Variants in CRB1 observed in about 807,000 individuals in gnomAD.
The protein encoded by CRB1 is protein crumbs homolog 1.
CRB1 carries 83 observed loss-of-function variants against 120.0 expected under a neutral mutation model. The observed-to-expected ratio is 0.69, with a 90% confidence interval of 0.58 to 0.83. The LOEUF (loss-of-function observed/expected upper bound fraction) is 0.83. CRB1 is among the 40% of genes least tolerant of loss of function. CRB1 has a pLI of 0.00. For missense variants in CRB1, 1,699 were observed against 1,687.6 expected (o/e 1.01, Z -0.12); for synonymous variants, 625 against 612.5 (o/e 1.02, Z -0.30).
intron 5 of CRB1, among the ~76,000 whole-genome samples, chr1:197,406,003 C>T (rs1317799349): frequency 6.5e-4 from 98 of 151,462 alleles, no homozygotes; most frequent in East Asian, 1.6e-3. Flanking sequence ...AGGTGAGGGG[C>T]GCCTCTGCCC....
chr1:197,455,265 GT>G (rs1666216719), intron 11 of CRB1, among the ~76,000 whole-genome samples: 2 of 152,084 alleles, frequency 1.3e-5, no homozygotes, highest in Admixed American at 6.6e-5. Flanking sequence ...AAGTCTACAT[GT>G]TCCAAACCAA....
intron 11 of CRB1, among the ~76,000 whole-genome samples, chr1:197,446,826 C>G (rs1039393690): frequency 6.6e-6 from 1 of 151,956 alleles, no homozygotes; most frequent in Non-Finnish European, 1.5e-5. Flanking sequence ...TTTTTAATAT[C>G]TTTGTTGATT....
intron 9 of CRB1, 76 bp from the exon 10 acceptor site, chr1:197,438,471 A>G (rs1314362084): frequency 3.8e-6 from 6 of 1,576,620 alleles, no homozygotes; most frequent in Non-Finnish European, 5.2e-6. Flanking sequence ...GACTACATAC[A>G]TGAATTTATC....
At chr1:197,400,303 GC>G (rs1385584167) in intron 5 of CRB1, among the ~76,000 whole-genome samples, 2 of 134,520 alleles carry the variant, frequency 1.5e-5, no homozygotes, top group Non-Finnish European at 3.1e-5. Flanking sequence ...GAATGTAAGA[GC>G]TTTTTTTTTT....
At chr1:197,212,573 A>G in the CRB1 span, among the ~76,000 whole-genome samples, 1 of 152,162 alleles carries the variant, frequency 6.6e-6, no homozygotes, top group African/African-American at 2.4e-5. Context: ...ACAGAAAGCC[A>G]ATCAGTTTGT....
chr1:197,289,061 G>A (rs1403397839), intron 1 of CRB1, among the ~76,000 whole-genome samples: 1 of 151,336 alleles, frequency 6.6e-6, no homozygotes, highest in East Asian at 2.0e-4. Context: ...CCGGACAGAT[G>A]AAATTCTCGG....
the CRB1 span, among the ~76,000 whole-genome samples, chr1:197,240,373 C>T: frequency 6.6e-6 from 1 of 152,110 alleles, no homozygotes; most frequent in Non-Finnish European, 1.5e-5. Flanking sequence ...TCCTATGCCC[C>T]CACCCTTTGA....
the CRB1 span, among the ~76,000 whole-genome samples, chr1:197,255,160 G>T: frequency 6.6e-6 from 1 of 152,020 alleles, no homozygotes; most frequent in African/African-American, 2.4e-5. Context: ...TTTCCATTGA[G>T]TGTAGTTTTA....
chr1:197,449,622 T>G (rs1665862165), intron 11 of CRB1, among the ~76,000 whole-genome samples: 1 of 152,172 alleles, frequency 6.6e-6, no homozygotes, highest in Non-Finnish European at 1.5e-5. Flanking sequence ...CGCCTCGGCC[T>G]CCCAAAGTGC....
chr1:197,225,621 G>A, the CRB1 span, among the ~76,000 whole-genome samples: 15 of 152,234 alleles, frequency 9.9e-5, no homozygotes, highest in Admixed American at 9.2e-4. Flanking sequence ...CAAAAGCGGA[G>A]GTCTGTGATC....
At chr1:197,428,973 G>A in intron 7 of CRB1, 2 of 1,533,204 alleles carry the variant, frequency 1.3e-6, no homozygotes, top group South Asian at 2.4e-5. Context: ...CTCTGATTCA[G>A]AGGCAGACCA....
At chr1:197,277,284 C>T (rs17551897) in intron 1 of CRB1, among the ~76,000 whole-genome samples, 25,502 of 151,888 alleles carry the variant, frequency 0.17, 2,355 homozygotes, top group Middle Eastern at 0.25. Context: ...TGGTTCTCCA[C>T]GTAATTGTCC....
At chr1:197,471,136 G>T (rs936567676) in intron 11 of CRB1, among the ~76,000 whole-genome samples, 8 of 151,980 alleles carry the variant, frequency 5.3e-5, no homozygotes, top group Admixed American at 3.3e-4. Context: ...CATATCAGAA[G>T]GTTCCCAGGA....
the CRB1 span, among the ~76,000 whole-genome samples, chr1:197,224,872 C>G: frequency 6.6e-6 from 1 of 151,730 alleles, no homozygotes; most frequent in African/African-American, 2.4e-5. Flanking sequence ...ATTAAATAAG[C>G]ATAAAACTAA....
chr1:197,253,567 A>G, the CRB1 span, among the ~76,000 whole-genome samples: 7 of 152,080 alleles, frequency 4.6e-5, no homozygotes, highest in Non-Finnish European at 8.8e-5. Context: ...AATGATTTTT[A>G]ATGCTACAAC....
At chr1:197,248,031 A>G in the CRB1 span, among the ~76,000 whole-genome samples, 1 of 152,170 alleles carries the variant, frequency 6.6e-6, no homozygotes, top group Middle Eastern at 3.4e-3. Context: ...TGTGAAACTA[A>G]AATGATTAAT....
rs117367760 is a variant in CRB1 at position 197,298,021 on chromosome 1, G to A, written c.70+29539G>A. Reference sequence around the variant, plus strand: ...GAATAGATGGTGAACATAGACAACTGTTCTGAGAAGTCTGGCTGTAAAGAG... The same window carrying A: ...GAATAGATGGTGAACATAGACAACTATTCTGAGAAGTCTGGCTGTAAAGAG... On this transcript the variant is annotated intron_variant, in intron 1 of 11. Transcript: ENST00000367400. 1.2e-4 allele frequency among the ~76,000 whole-genome samples: 18 copies of A among 152,160 alleles called. No homozygotes were observed. The East Asian group carries it at 3.5e-3, about 30-fold the overall frequency.
Position 197,372,083 on chromosome 1 carries a change from AGACTGG to A in CRB1, c.1171+15073_1171+15078del, listed in dbSNP as rs1661399773. 3.9e-5 allele frequency among the ~76,000 whole-genome samples: 6 copies of A among 152,240 alleles called. 1 individual carries two copies. In the South Asian group the frequency reaches 1.2e-3, roughly 32 times the overall value. ...CCACCCTGCTTAATGTGACTGACAG[AGACTGG>A]GATTAAATCTGTTCAATTTGCCTCA... On this transcript the variant is annotated intron_variant, in intron 5 of 11. Transcript: ENST00000367400.
intron 5 of CRB1, among the ~76,000 whole-genome samples, chr1:197,361,253 C>T (rs1660754840): frequency 6.6e-6 from 1 of 151,180 alleles, no homozygotes; most frequent in African/African-American, 2.4e-5. Flanking sequence ...TAGTATTGAC[C>T]TCATAAAATA....
Sources: allele counts gnomAD v4.1 joint callset (sites outside exome capture counted in the v4.1 genomes callset), GRCh38; gene constraint gnomAD v4.1.1; transcripts MANE v1.5; gene names NCBI Gene and HGNC (gene_info 2026-07-23, HGNC 2026-07-21).